Variants in WRN observed in about 807,000 individuals in gnomAD.
WRN encodes bifunctional 3'-5' exonuclease/ATP-dependent helicase WRN.
Under a neutral mutation model 180.7 loss-of-function variants are expected in WRN, and 149 were observed. The ratio of observed to expected loss-of-function variants is 0.82; its 90% CI spans 0.72 to 0.94. WRN has a LOEUF of 0.94. WRN is among the 40% of genes least tolerant of loss of function. WRN has a pLI of 0.00. For synonymous variants in WRN, 548 were observed against 568.9 expected (o/e 0.96, Z 0.52); for missense variants, 1,661 against 1,700.1 (o/e 0.98, Z 0.40).
Position 31,090,846 on chromosome 8 carries a change from GT to G in WRN, c.1736del (p.Leu579CysfsTer10). ...TTTTCATTTCAAGGATATGGAAAGA[GT>G]TTGTGCTTCCAGTATCCACCTGTTT... ...VAVMATGYGK[S>X]LCFQYPPVYV... On this transcript the variant is annotated frameshift_variant, in exon 15 of 35. Coordinates refer to ENST00000298139, the MANE Select transcript of WRN (RefSeq NM_000553.6). LOFTEE classifies it high-confidence loss of function. The G allele has an allele frequency of 6.2e-7, 1 of 1,609,766 alleles. No homozygotes were observed. Among genetic ancestry groups the G allele is most frequent in the Non-Finnish European group, 8.5e-7 (1 of 1,177,650 alleles).
chr8:31,076,414 A>T, intron 8 of WRN, 127 bp downstream of exon 8: 1 of 736,220 alleles, frequency 1.4e-6, no homozygotes, highest in Non-Finnish European at 2.3e-6. Flanking sequence ...ATACACACAC[A>T]CAGACTGATG....
chr8:31,080,046 A>G (rs1813238945), intron 8 of WRN, among the ~76,000 whole-genome samples: 1 of 151,948 alleles, frequency 6.6e-6, no homozygotes, highest in Non-Finnish European at 1.5e-5. Context: ...AAGCCCAGCT[A>G]ATTTTTGTAT....
In WRN at chr8:31,132,461, C is replaced by T. The variant is rs773614544; in HGVS notation, c.2922C>T (p.Gly974=). Residue 974 remains glycine, a synonymous_variant, in exon 24 of 35, where the codon GGC becomes GGT. Coordinates refer to ENST00000298139, the MANE Select transcript of WRN (RefSeq NM_000553.6). ...TTTTGTCTGCTGTGGACATCTTAGG[C>T]GAAAAATTTGGAATTGGGCTTCCAA... ...FKLLSAVDIL[G]EKFGIGLPIL... 13 of 1,614,052 alleles carry T rather than the reference C, an allele frequency of 8.1e-6. No homozygotes were observed. Among genetic ancestry groups the T allele is most frequent in the Admixed American group, 5.0e-5 (3 of 60,016 alleles).
chr8:31,049,109 G>A (rs1446600911), intron 1 of WRN, among the ~76,000 whole-genome samples: 1 of 147,860 alleles, frequency 6.8e-6, no homozygotes, highest in Non-Finnish European at 1.5e-5. Flanking sequence ...TACTCCGGAG[G>A]CTGAGGCAGG....
At chr8:31,130,919 G>T (rs946269036) in intron 23 of WRN, among the ~76,000 whole-genome samples, 3 of 152,066 alleles carry the variant, frequency 2.0e-5, no homozygotes, top group Admixed American at 2.0e-4. Flanking sequence ...GAATGAGCAG[G>T]CCACTAGGGG....
intron 33 of WRN, among the ~76,000 whole-genome samples, chr8:31,163,916 A>G (rs1803740491): frequency 6.6e-6 from 1 of 151,390 alleles, no homozygotes; most frequent in African/African-American, 2.4e-5. Flanking sequence ...GCCGTGGCAC[A>G]ATCATAGCTT....
At chr8:31,109,608 CAA>C (rs941795060) in intron 18 of WRN, among the ~76,000 whole-genome samples, 15 of 152,086 alleles carry the variant, frequency 9.9e-5, no homozygotes, top group African/African-American at 3.6e-4. Context: ...ATTTTAATAA[CAA>C]TATTTATGAT....
chr8:31,050,973 T>C lies in WRN; in HGVS notation c.-76-7399T>C, dbSNP rs180845300. 5.6e-3 allele frequency among the ~76,000 whole-genome samples: 855 copies of C among 152,284 alleles called. 4 individuals carry two copies. The highest frequency in any genetic ancestry group is 9.2e-3 in the Non-Finnish European group (625 of 67,988). On this transcript the variant is annotated intron_variant, in intron 1 of 34. Transcript: ENST00000298139. ...AATAGTAAGTGGAAATTTTTCCACATTAAACAGTATAACGGGCTAACAGAG... is the reference window on the plus strand; with the variant it reads ...AATAGTAAGTGGAAATTTTTCCACACTAAACAGTATAACGGGCTAACAGAG...
chr8:31,143,378 C>T (rs981403854), intron 27 of WRN, among the ~76,000 whole-genome samples, 172 bp from the exon 28 acceptor site: 5 of 152,010 alleles, frequency 3.3e-5, no homozygotes, highest in Non-Finnish European at 1.5e-5. Flanking sequence ...TTTCTAACTA[C>T]CTTTAGAACT....
chr8:31,048,521 GTA>G (rs1282346791), intron 1 of WRN, among the ~76,000 whole-genome samples: 1 of 152,072 alleles, frequency 6.6e-6, no homozygotes, highest in African/African-American at 2.4e-5. Context: ...CTGTGTGTGT[GTA>G]TATATATGCT....
rs1801511100 is a variant in WRN, at chr8:31,116,252, C to A, written c.2274-102C>A. On this transcript the variant is annotated intron_variant, in intron 19 of 34. Coordinates refer to ENST00000298139, the MANE Select transcript of WRN (RefSeq NM_000553.6). ...ATAGGCTTTCTTCCTTTAGTCTTTTCTTTAGAAGGTAGAAAGGAAGAATTA... is the reference window on the plus strand; with the variant it reads ...ATAGGCTTTCTTCCTTTAGTCTTTTATTTAGAAGGTAGAAAGGAAGAATTA... The A allele has an allele frequency of 5.7e-6, 7 of 1,223,056 alleles. No homozygotes were observed. In the South Asian group the frequency reaches 9.7e-5, roughly 17 times the overall value. 75.8% of individuals were successfully genotyped at this position (1,223,056 alleles called of 1,614,324 possible).
rs1458004396 is a variant in WRN, at chr8:31,119,016, T to G, written c.2449-1227T>G. ...CATATAATTAAAATTAGAATTATTA[T>G]TGTGTTGCTTATTGACTCTTACATA... On this transcript the variant is annotated intron_variant, in intron 20 of 34. Coordinates refer to ENST00000298139, the MANE Select transcript of WRN (RefSeq NM_000553.6). 3.3e-5 allele frequency among the ~76,000 whole-genome samples: 5 copies of G among 152,154 alleles called. No individual in the cohort carries two copies. In the East Asian group the frequency reaches 9.6e-4, roughly 29 times the overall value.
chr8:31,060,051 G>A (rs575840151), intron 3 of WRN, among the ~76,000 whole-genome samples: 41 of 149,574 alleles, frequency 2.7e-4, no homozygotes, highest in Non-Finnish European at 5.2e-4. Context: ...GTGAGGCTCC[G>A]TCTCAAAAAA....
At chr8:31,144,187 C>T (rs921005805) in intron 28 of WRN, among the ~76,000 whole-genome samples, 1 of 152,124 alleles carries the variant, frequency 6.6e-6, no homozygotes, top group Non-Finnish European at 1.5e-5. Flanking sequence ...TTTCCAATAG[C>T]ATGTTCTGTT....
intron 8 of WRN, 30 bp downstream of exon 8, chr8:31,076,317 T>G: frequency 6.6e-7 from 1 of 1,520,794 alleles, no homozygotes; most frequent in Non-Finnish European, 9.1e-7. Flanking sequence ...TTTTTTAACT[T>G]AAATCAATTC....
At chr8:31,166,405 C>G (rs976610820) in intron 33 of WRN, among the ~76,000 whole-genome samples, 1 of 152,044 alleles carries the variant, frequency 6.6e-6, no homozygotes, top group Non-Finnish European at 1.5e-5. Context: ...TTGACACAGT[C>G]TGAATTAGTT....
chr8:31,114,442 C>T (rs1394967623), intron 19 of WRN, among the ~76,000 whole-genome samples: 1 of 152,146 alleles, frequency 6.6e-6, no homozygotes, highest in Non-Finnish European at 1.5e-5. Flanking sequence ...AAAATAATGG[C>T]TCCTTTTGTA....
chr8:31,067,034 T>G lies in WRN; in HGVS notation c.506T>G (p.Leu169Arg). Residue 169 changes from leucine to arginine, a missense_variant and splice_region_variant, in exon 6 of 35, where the codon CTG becomes CGG. Leu to Arg is a moderately radical substitution (Grantham distance 102, BLOSUM62 -2). Transcript: ENST00000298139. ...VELTDVANKKLKCTETWSLNS... is the reference protein window; with the variant it reads ...VELTDVANKKRKCTETWSLNS... The stretch of plus-strand genomic sequence containing the variant: ...GTGTTGCTTTTTCATCATTTCTAGC[T>G]GAAATGCACAGAGACCTGGAGCCTT... 4.3e-6 allele frequency: 7 copies of G among 1,613,742 alleles called. No homozygotes were observed. Among genetic ancestry groups the G allele is most frequent in the Non-Finnish European group, 5.9e-6 (7 of 1,179,884 alleles).
Position 31,143,590 on chromosome 8 carries a change from A to G in WRN, c.3350A>G (p.Lys1117Arg). Residue 1117 changes from lysine to arginine, a missense_variant, in exon 28 of 35, where the codon AAG (lysine) becomes AGG (arginine). Around this residue, in one of 3 missense-constraint regions of WRN, gnomAD observed 1,141 missense variants for 1,149.4 expected, o/e 0.99. Coordinates refer to ENST00000298139, the MANE Select transcript of WRN (RefSeq NM_000553.6). ...TTATATTCTTATAAACCATGTGATA[A>G]GATTTCTTCTGGGAGTAACATTTCT... ...EKLYSYKPCD[K>R]ISSGSNISKK... is the part of the protein sequence containing the mutation. The G allele has an allele frequency of 6.3e-7, 1 of 1,591,318 alleles. No individual in the cohort carries two copies. Among genetic ancestry groups the G allele is most frequent in the Non-Finnish European group, 8.6e-7 (1 of 1,160,360 alleles).
Sources: allele counts gnomAD v4.1 joint callset (sites outside exome capture counted in the v4.1 genomes callset), GRCh38; gene constraint gnomAD v4.1.1; regional missense constraint gnomAD v4.1.1; transcripts MANE v1.5; gene names NCBI Gene and HGNC (gene_info 2026-07-23, HGNC 2026-07-21).